Variants in SETD9 observed in about 807,000 individuals in gnomAD.
The protein encoded by SETD9 is SET domain-containing protein 9.
Under a neutral mutation model 36.4 loss-of-function variants are expected in SETD9, and 37 were observed. The ratio of observed to expected loss-of-function variants is 1.02; its 90% CI spans 0.78 to 1.34. The LOEUF (loss-of-function observed/expected upper bound fraction) is 1.34, where lower values mean the gene tolerates loss of function less well. Ranked by LOEUF, SETD9 falls within the 40% of genes most tolerant of loss-of-function variation. The pLI is 0.00. For synonymous variants in SETD9, 128 were observed against 132.9 expected, an observed-to-expected ratio of 0.96 and a Z score of 0.26; for missense variants, 323 against 353.2, an observed-to-expected ratio of 0.91 and a Z score of 0.69.
intron 5 of SETD9, chr5:56,923,736 G>C: frequency 2.5e-6 from 4 of 1,614,196 alleles, no homozygotes; most frequent in Non-Finnish European, 3.4e-6. Context: ...TTTAGCTGTT[G>C]ATCAGGAATA....
At chr5:56,919,869 C>CT (rs1554039797), downstream of SETD9, 1 of 152,516 alleles carries the variant, frequency 6.6e-6, no homozygotes, top group Admixed American at 6.6e-5. Context: ...AACAATAAAA[C>CT]TAATAGTTTC....
At position 56,913,119 on chromosome 5, in the gene SETD9, C is replaced by T; in HGVS notation, c.575C>T (p.Ser192Leu). The T allele has an allele frequency of 6.2e-7, 1 of 1,613,986 alleles. No individual in the cohort carries two copies. The highest frequency in any genetic ancestry group is 8.5e-7 in the Non-Finnish European group (1 of 1,179,952). Reference sequence around the variant, plus strand: ...ATTGATGGGAATGACAAAGGGATATCAAAAGTTGTGTACAGGTAAGTGATG... The same window carrying T: ...ATTGATGGGAATGACAAAGGGATATTAAAAGTTGTGTACAGGTAAGTGATG... The part of the protein sequence containing the change: ...VLIDGNDKGI[S>L]KVVYRSCNGR... Residue 192 changes from serine to leucine, a missense_variant, in exon 3 of 6, where the codon TCA becomes TTA. Coordinates refer to ENST00000285947, the MANE Select transcript of SETD9 (RefSeq NM_153706.4).
downstream of SETD9, among the ~76,000 whole-genome samples, chr5:56,918,425 T>G (rs1246578859): frequency 2.6e-5 from 4 of 152,194 alleles, no homozygotes; most frequent in Non-Finnish European, 5.9e-5. Context: ...CCTCATTCTC[T>G]TTAGCACTTA....
chr5:56,924,498 G>T (rs560499766), intron 5 of SETD9, among the ~76,000 whole-genome samples: 2 of 152,304 alleles, frequency 1.3e-5, no homozygotes, highest in East Asian at 3.9e-4. Flanking sequence ...TTTCTGGAGA[G>T]AAGGAATGCA....
chr5:56,914,059 T>A, intron 4 of SETD9, 70 bp downstream of exon 4: 1 of 1,173,948 alleles, frequency 8.5e-7, no homozygotes. Context: ...GTCATATGAC[T>A]GAGTGCCAAG....
exon 6 of SETD9, chr5:56,925,461 A>G (rs1749920531): frequency 6.1e-6 from 2 of 325,274 alleles, no homozygotes; most frequent in Middle Eastern, 1.1e-3. Flanking sequence ...CCTATATAAC[A>G]GCAATGACGA....
intron 5 of SETD9, among the ~76,000 whole-genome samples, chr5:56,924,338 T>C (rs1380405747): frequency 1.3e-5 from 2 of 152,212 alleles, no homozygotes; most frequent in Non-Finnish European, 2.9e-5. Context: ...CTGAAAATCT[T>C]AAACACTAGC....
intron 5 of SETD9, chr5:56,922,871 A>G (rs912912707): frequency 1.1e-5 from 5 of 453,392 alleles, no homozygotes; most frequent in Admixed American, 3.5e-5. Flanking sequence ...GGAGATGAGG[A>G]AGAGAGAAGC....
Position 56,917,128 on chromosome 5 carries a change from G to T in SETD9, c.*226G>T. ...TGTAATGCAATTCCAAGTTTAATTG[G>T]TTTTCACCTAAATACACAATAGCTT... On this transcript the variant is annotated 3_prime_UTR_variant, in exon 6 of 6. Transcript: ENST00000285947. The T allele has an allele frequency of 8.2e-7, 1 of 1,220,116 alleles. No homozygotes were observed. Among genetic ancestry groups the T allele is most frequent in the Non-Finnish European group, 1.0e-6 (1 of 980,132 alleles). 75.6% of individuals were successfully genotyped at this position (1,220,116 alleles called of 1,614,324 possible). A position where few individuals can be genotyped will look rare whatever the true frequency, so the allele number is the denominator to read the frequency against.
At chr5:56,924,448 T>C (rs529418253) in intron 5 of SETD9, among the ~76,000 whole-genome samples, 2 of 150,328 alleles carry the variant, frequency 1.3e-5, no homozygotes, top group African/African-American at 5.0e-5. Flanking sequence ...ATGGATTTCA[T>C]TGAGATCTAT....
downstream of SETD9, among the ~76,000 whole-genome samples, chr5:56,918,937 G>A (rs577504493): frequency 6.6e-6 from 1 of 152,124 alleles, no homozygotes; most frequent in South Asian, 2.1e-4. Context: ...ATATGACTAC[G>A]GTCAAACTAT....
chr5:56,928,809 G>A (rs1188138975), downstream of SETD9: 2 of 1,613,488 alleles, frequency 1.2e-6, no homozygotes, highest in African/African-American at 2.7e-5. Context: ...CAAAAAGCAT[G>A]AGTGCATGTT....
intron 5 of SETD9, among the ~76,000 whole-genome samples, chr5:56,915,699 C>A (rs2112032325): frequency 6.6e-6 from 1 of 152,336 alleles, no homozygotes; most frequent in East Asian, 1.9e-4. Context: ...CACGGTACCT[C>A]AAGCCTGTAA....
At chr5:56,916,167 G>A (rs750804075) in intron 5 of SETD9, among the ~76,000 whole-genome samples, 27 of 152,194 alleles carry the variant, frequency 1.8e-4, no homozygotes, top group Non-Finnish European at 4.4e-5. Flanking sequence ...GCCGAGGCGG[G>A]CGGATCACAA....
Position 56,911,153 on chromosome 5 carries a change from C to T in SETD9, c.99-16C>T, listed in dbSNP as rs1485363905. ...TCAGTTGAAGGGTAGTGAATAGAAA[C>T]TTTTCCCATTTTCAGGACCCTCCGA... On this transcript the variant is annotated splice_polypyrimidine_tract_variant and intron_variant, in intron 1 of 5. Coordinates refer to ENST00000285947, the MANE Select transcript of SETD9 (RefSeq NM_153706.4). 2 of 1,520,600 alleles carry T rather than the reference C, an allele frequency of 1.3e-6. No individual in the cohort carries two copies. Among genetic ancestry groups the T allele is most frequent in the Non-Finnish European group, 8.8e-7 (1 of 1,139,384 alleles). The allele number at this position is 1,520,600 out of a possible 1,614,324, so 94.2% of individuals were successfully genotyped here.
chr5:56,917,590 CCT>C (rs2112039694), downstream of SETD9, among the ~76,000 whole-genome samples: 1 of 152,276 alleles, frequency 6.6e-6, no homozygotes, highest in African/African-American at 2.4e-5. Flanking sequence ...AGATTGACTC[CCT>C]GATTATGTTT....
downstream of SETD9, among the ~76,000 whole-genome samples, chr5:56,917,919 A>T (rs199801816): frequency 1.3e-5 from 2 of 152,122 alleles, no homozygotes; most frequent in Non-Finnish European, 2.9e-5. Context: ...AAATTCATGG[A>T]ACCTATATGA....
At chr5:56,914,793 A>G in intron 4 of SETD9, 68 bp from the exon 5 acceptor site, 1 of 1,092,168 alleles carries the variant, frequency 9.2e-7, no homozygotes, top group Non-Finnish European at 1.3e-6. Context: ...TGAGTGTCAT[A>G]ATTCAATTCT....
chr5:56,923,568 C>T, intron 5 of SETD9: 1 of 1,613,278 alleles, frequency 6.2e-7, no homozygotes, highest in Non-Finnish European at 8.5e-7. Context: ...CAGACGGTTG[C>T]TACACTGTTG....
Sources: allele counts gnomAD v4.1 joint callset (sites outside exome capture counted in the v4.1 genomes callset), GRCh38; gene constraint gnomAD v4.1.1; transcripts MANE v1.5; gene names NCBI Gene and HGNC (gene_info 2026-07-23, HGNC 2026-07-21).